CAMK2B: variants seen among roughly 807,000 people sequenced by gnomAD.
CAMK2B encodes the protein calcium/calmodulin dependent protein kinase II beta, also known as calcium/calmodulin-dependent protein kinase type II subunit beta.
CAMK2B carries 27 observed loss-of-function variants against 93.7 expected under a neutral mutation model. The ratio of observed to expected loss-of-function variants is 0.29; its 90% CI spans 0.21 to 0.40. The LOEUF (loss-of-function observed/expected upper bound fraction) is 0.40. Among genes scored for constraint, CAMK2B ranks in the 10% least tolerant of loss-of-function variants. The pLI, the probability that CAMK2B is intolerant of heterozygous loss-of-function variation, is 1.00. For missense variants in CAMK2B, 568 were observed against 895.8 expected, an observed-to-expected ratio of 0.63 and a Z score of 4.67; for synonymous variants, 374 against 358.8, an observed-to-expected ratio of 1.04 and a Z score of -0.48.
chr7:44,287,890 C>T (rs921857381), intron 1 of CAMK2B, among the ~76,000 whole-genome samples: 1 of 152,212 alleles, frequency 6.6e-6, no homozygotes, highest in African/African-American at 2.4e-5. Context: ...TTCACTTTTG[C>T]CACTCCCCCT....
chr7:44,227,764 AGAGGGAGAGT>A (rs1562805622), intron 19 of CAMK2B, among the ~76,000 whole-genome samples: 429 of 10,648 alleles, frequency 0.04, 43 homozygotes, highest in East Asian at 0.12. Flanking sequence ...TGTGGGGGAC[AGAGGGAGAGT>A]CTGGGGGACA....
At position 44,231,119 on chromosome 7, in the gene CAMK2B, C is replaced by G. The variant is rs563981933; in HGVS notation, c.1177-65G>C. On this transcript the variant is annotated intron_variant, in intron 16 of 23. Coordinates refer to ENST00000395749, the MANE Select transcript of CAMK2B (RefSeq NM_001220.5). ...AGGATAGGTGGGACGTGGCTGAGGG[C>G]AGGTGGACAGGGCTGGGCCTGTGTC... The G allele has an allele frequency of 5.4e-6, 7 of 1,303,482 alleles. No homozygotes were observed. In the South Asian group the frequency reaches 7.7e-5, roughly 14 times the overall value. 80.7% of individuals were successfully genotyped at this position (1,303,482 alleles called of 1,614,324 possible). A position where few individuals can be genotyped will look rare whatever the true frequency, so the allele number is the denominator to read the frequency against.
At chr7:44,232,963 G>A (rs1040649390) in intron 15 of CAMK2B, 97 bp from the exon 16 acceptor site, 16 of 1,115,490 alleles carry the variant, frequency 1.4e-5, no homozygotes, top group Middle Eastern at 3.9e-4. Context: ...GACAGAGGAG[G>A]TGTGGGTGGC....
chr7:44,279,084 C>G (rs1053292542), intron 2 of CAMK2B, among the ~76,000 whole-genome samples: 2 of 152,196 alleles, frequency 1.3e-5, no homozygotes, highest in Non-Finnish European at 2.9e-5. Context: ...ACACAGGCTG[C>G]ATATGAGATG....
chr7:44,296,484 C>A (rs1788352759), intron 1 of CAMK2B, among the ~76,000 whole-genome samples: 2 of 151,938 alleles, frequency 1.3e-5, no homozygotes, highest in South Asian at 2.1e-4. Context: ...ATGGAAATAT[C>A]AGAAGGAGAA....
chr7:44,234,726 G>T (rs1053233189), intron 13 of CAMK2B, 50 bp from the exon 14 acceptor site: 2 of 1,590,220 alleles, frequency 1.3e-6, no homozygotes, highest in Admixed American at 3.4e-5. Flanking sequence ...CCTGGGTCTC[G>T]CTGCAGCGCA....
chr7:44,256,071 G>T (rs552846732), intron 4 of CAMK2B, among the ~76,000 whole-genome samples: 46 of 152,282 alleles, frequency 3.0e-4, no homozygotes, highest in African/African-American at 8.9e-4. Flanking sequence ...TCCCCGACCA[G>T]CACCTGGCAT....
intron 1 of CAMK2B, among the ~76,000 whole-genome samples, chr7:44,285,619 T>C (rs965207500): frequency 6.6e-6 from 1 of 152,048 alleles, no homozygotes; most frequent in African/African-American, 2.4e-5. Context: ...AAGAGTACTG[T>C]TCAATTCCTT....
At chr7:44,260,727 C>T (rs1009286890) in intron 3 of CAMK2B, among the ~76,000 whole-genome samples, 1 of 152,204 alleles carries the variant, frequency 6.6e-6, no homozygotes, top group Non-Finnish European at 1.5e-5. Flanking sequence ...GACCAACACT[C>T]AGCACCAGGG....
intron 19 of CAMK2B, among the ~76,000 whole-genome samples, chr7:44,228,560 G>A (rs941427413): frequency 6.6e-6 from 1 of 152,110 alleles, no homozygotes; most frequent in Non-Finnish European, 1.5e-5. Context: ...AGCGAGCGGG[G>A]AGTGGCAGTG....
chr7:44,253,265 G>C (rs936223877), intron 5 of CAMK2B, among the ~76,000 whole-genome samples: 1 of 150,980 alleles, frequency 6.6e-6, no homozygotes, highest in Non-Finnish European at 1.5e-5. Context: ...CCAGGCTGGA[G>C]TGCAATGGCG....
intron 1 of CAMK2B, among the ~76,000 whole-genome samples, chr7:44,292,768 C>T (rs1384733014): frequency 6.6e-6 from 1 of 152,214 alleles, no homozygotes; most frequent in Non-Finnish European, 1.5e-5. Flanking sequence ...ATTCTTAGGA[C>T]TCAACACTGG....
intron 5 of CAMK2B, among the ~76,000 whole-genome samples, chr7:44,254,093 A>G (rs924514826): frequency 1.3e-5 from 2 of 152,016 alleles, no homozygotes; most frequent in South Asian, 2.1e-4. Flanking sequence ...GCTTCCAGGG[A>G]CAGGGCCCTG....
intron 1 of CAMK2B, among the ~76,000 whole-genome samples, chr7:44,309,933 C>T (rs1038327585): frequency 6.6e-6 from 1 of 152,238 alleles, no homozygotes; most frequent in African/African-American, 2.4e-5. Context: ...CGCGCCTGAG[C>T]AGCCAGAACC....
chr7:44,311,388 T>A lies in CAMK2B; in HGVS notation c.65+13969A>T, dbSNP rs1793505107. On this transcript the variant is annotated intron_variant, in intron 1 of 23. Coordinates refer to ENST00000395749, the MANE Select transcript of CAMK2B (RefSeq NM_001220.5). The surrounding 1 kb of genome is among the most constrained non-coding windows in gnomAD (Gnocchi z 4.2). ...ACCGCACTCAGCCAAAATCTGGTTTTAAGAAGAACTCCTTTATCACCATGT... is the reference window on the plus strand; with the variant it reads ...ACCGCACTCAGCCAAAATCTGGTTTAAAGAAGAACTCCTTTATCACCATGT... Among the ~76,000 whole-genome samples the A allele has an allele frequency of 6.6e-6, 1 of 152,256 alleles. No homozygotes were observed. Among genetic ancestry groups the A allele is most frequent in the Non-Finnish European group, 1.5e-5 (1 of 68,044 alleles).
At chr7:44,323,534 C>T (rs894244476) in intron 1 of CAMK2B, among the ~76,000 whole-genome samples, 2 of 152,338 alleles carry the variant, frequency 1.3e-5, no homozygotes, top group South Asian at 2.1e-4. Flanking sequence ...GGAGGCTCAG[C>T]GGGGAGCTGG....
At chr7:44,242,771 C>T in intron 8 of CAMK2B, 117 bp from the exon 9 acceptor site, 2 of 696,480 alleles carry the variant, frequency 2.9e-6, no homozygotes, top group Non-Finnish European at 5.1e-6. Flanking sequence ...TTGGGGTCCT[C>T]AGCATTCCTT....
intron 3 of CAMK2B, among the ~76,000 whole-genome samples, chr7:44,262,689 A>C (rs1584355699): frequency 6.6e-6 from 1 of 152,238 alleles, no homozygotes; most frequent in East Asian, 1.9e-4. Context: ...CTCTGCACCA[A>C]TGCCACCGAC....
chr7:44,295,135 T>C (rs760903954), intron 1 of CAMK2B, among the ~76,000 whole-genome samples: 7 of 152,228 alleles, frequency 4.6e-5, no homozygotes, highest in Non-Finnish European at 8.8e-5. Context: ...TGTGTTAGAA[T>C]AACAGGTGCC....
Sources: allele counts gnomAD v4.1 joint callset (sites outside exome capture counted in the v4.1 genomes callset), GRCh38; gene constraint gnomAD v4.1.1; non-coding constraint Gnocchi (gnomAD v3.1); transcripts MANE v1.5; gene names NCBI Gene and HGNC (gene_info 2026-07-23, HGNC 2026-07-21).